Variants in SVIL observed in about 807,000 individuals in gnomAD.
SVIL encodes the protein archvillin.
In SVIL, 101 loss-of-function variants were observed where a neutral mutation model predicts 240.4. The observed-to-expected ratio is 0.42, with a 90% CI of 0.36 to 0.50. The LOEUF (loss-of-function observed/expected upper bound fraction) is 0.50, where lower values mean the gene tolerates loss of function less well. Ranked by LOEUF, SVIL falls within the 20% of genes least tolerant of loss-of-function variation. The pLI is 0.01. For missense variants in SVIL, 2,512 were observed against 2,818.7 expected (o/e 0.89, Z 2.46); for synonymous variants, 999 against 1,100.0 (o/e 0.91, Z 1.82).
intron 1 of SVIL, among the ~76,000 whole-genome samples, chr10:29,621,079 C>T (rs2132912775): frequency 6.6e-6 from 1 of 151,750 alleles, no homozygotes; most frequent in African/African-American, 2.4e-5. Context: ...GCTGGGATTA[C>T]AGGTGCACGC....
intron 1 of SVIL, among the ~76,000 whole-genome samples, chr10:29,727,291 C>T (rs1057276178): frequency 5.9e-5 from 9 of 152,108 alleles, no homozygotes; most frequent in African/African-American, 2.2e-4. Context: ...CTGTGTGCTC[C>T]AGTCTGTACT....
chr10:29,534,352 C>T (rs1218402461), intron 7 of SVIL, among the ~76,000 whole-genome samples: 1 of 151,960 alleles, frequency 6.6e-6, no homozygotes, highest in Non-Finnish European at 1.5e-5. Flanking sequence ...AAGTAAAAAA[C>T]AATATCTAGG....
intron 1 of SVIL, among the ~76,000 whole-genome samples, chr10:29,594,432 T>G (rs1383650804): frequency 6.6e-6 from 1 of 152,188 alleles, no homozygotes; most frequent in Non-Finnish European, 1.5e-5. Flanking sequence ...GATAATGATG[T>G]GTCAGTGTAG....
chr10:29,513,458 C>A (rs1260711496), intron 16 of SVIL, among the ~76,000 whole-genome samples: 1 of 152,138 alleles, frequency 6.6e-6, no homozygotes, highest in Non-Finnish European at 1.5e-5. Flanking sequence ...ATCGCTTGAA[C>A]CTGGGAGGCA....
chr10:29,572,957 C>G (rs1955514128), intron 1 of SVIL, among the ~76,000 whole-genome samples: 1 of 152,040 alleles, frequency 6.6e-6, no homozygotes, highest in African/African-American at 2.4e-5. Flanking sequence ...TTACAGTTAT[C>G]TAAAAGAATC....
intron 1 of SVIL, among the ~76,000 whole-genome samples, chr10:29,717,613 G>A (rs1212992176): frequency 6.6e-6 from 1 of 152,166 alleles, no homozygotes; most frequent in East Asian, 1.9e-4. Flanking sequence ...CAACAATTCT[G>A]AGCTGGCATA....
At position 29,719,373 on chromosome 10, in the gene SVIL, G is replaced by A. The variant is rs188846317; in HGVS notation, c.-400+16378C>T. Among the ~76,000 whole-genome samples, 147 of 152,234 alleles carry A rather than the reference G, an allele frequency of 9.7e-4. 2 individuals carry two copies. The highest frequency in any genetic ancestry group is 2.9e-4 in the Non-Finnish European group (20 of 68,010). ...CCTACCTAATAAATCTTGAAAGTAA[G>A]ACAAAAGAATCAACTGTCTCCAAGT... is the stretch of plus-strand genomic sequence containing the variant. On this transcript the variant is annotated intron_variant, in intron 1 of 35. Transcript: ENST00000375400.
At chr10:29,617,140 G>A (rs1466193961) in intron 1 of SVIL, among the ~76,000 whole-genome samples, 1 of 152,126 alleles carries the variant, frequency 6.6e-6, no homozygotes, top group African/African-American at 2.4e-5. Context: ...CCGCACAATT[G>A]TTCATCCCTT....
intron 1 of SVIL, among the ~76,000 whole-genome samples, chr10:29,609,787 C>G (rs536789731): frequency 1.3e-5 from 2 of 152,204 alleles, no homozygotes; most frequent in Non-Finnish European, 2.9e-5. Context: ...TGTGCAGTGG[C>G]CAGACCCTGT....
upstream of SVIL, among the ~76,000 whole-genome samples, chr10:29,639,032 T>C (rs1041727811): frequency 6.6e-6 from 1 of 152,198 alleles, no homozygotes; most frequent in Non-Finnish European, 1.5e-5. Flanking sequence ...TGGGCTTATG[T>C]GATCCTCCTG....
intron 1 of SVIL, among the ~76,000 whole-genome samples, chr10:29,571,509 T>G (rs564487870): frequency 2.0e-5 from 3 of 152,296 alleles, no homozygotes; most frequent in East Asian, 1.9e-4. Flanking sequence ...TTGGCTAAGT[T>G]AAGTGAAGTA....
Position 29,523,670 on chromosome 10 carries a change from C to T in SVIL, c.2944G>A (p.Ala982Thr). 5 of 1,614,104 alleles carry T rather than the reference C, an allele frequency of 3.1e-6. No homozygotes were observed. The highest frequency in any genetic ancestry group is 4.2e-6 in the Non-Finnish European group (5 of 1,179,970). The change falls in exon 15 of 38, where the codon GCC becomes ACC. Residue 982 changes from alanine (A) to threonine (T), a missense_variant. Around this residue, in one of 3 missense-constraint regions of SVIL, gnomAD observed 1,443 missense variants for 1,486.6 expected, o/e 0.97. Transcript: ENST00000355867. ...AEASYPILNR[A>T]REGDSHKESK... ...TCCTTATGGCTGTCTCCTTCCCTGGCTCGGTTCAGGATGGGGTAGGATGCT... is the reference window on the plus strand; with the variant it reads ...TCCTTATGGCTGTCTCCTTCCCTGGTTCGGTTCAGGATGGGGTAGGATGCT...
Position 29,480,575 on chromosome 10 carries a change from G to A in SVIL, c.5339C>T (p.Ala1780Val), listed in dbSNP as rs1564483264. The A allele has an allele frequency of 1.9e-6, 3 of 1,613,736 alleles. No homozygotes were observed. Among genetic ancestry groups the A allele is most frequent in the Non-Finnish European group, 2.5e-6 (3 of 1,180,014 alleles). ...QSIGQFHEGD[A>V]YVVKWKFMVS... The stretch of plus-strand genomic sequence containing the variant: ...CATGAACTTCCACTTGACCACATAG[G>A]CATCCCCCTCATGGAACTGCCCGAT... The change falls in exon 29 of 38, where the codon GCC becomes GTC. Residue 1780 changes from alanine (A) to valine (V), a missense_variant. By Grantham distance (64) the Ala-to-Val change is moderately conservative (BLOSUM62 0). This residue lies in a region of SVIL where 797 missense variants were observed against 925.3 expected (regional missense o/e 0.86). Coordinates refer to ENST00000355867, the MANE Select transcript of SVIL (RefSeq NM_021738.3).
rs1048643451 is a variant in SVIL at position 29,530,517 on chromosome 10, C to T, written c.2106+90G>A. 3.4e-5 allele frequency: 50 copies of T among 1,464,206 alleles called. No homozygotes were observed. The Middle Eastern group carries it at 6.9e-4, about 20-fold the overall frequency. The allele number at this position is 1,464,206 out of a possible 1,614,324, so 90.7% of individuals were successfully genotyped here. ...CCCAGGCTGGTCTCAAACTCCTGGCCTCAAGTGATTCTCCTGCCTTGGCCT... is the reference window on the plus strand; with the variant it reads ...CCCAGGCTGGTCTCAAACTCCTGGCTTCAAGTGATTCTCCTGCCTTGGCCT... On this transcript the variant is annotated intron_variant, in intron 11 of 37. Coordinates refer to ENST00000355867, the MANE Select transcript of SVIL (RefSeq NM_021738.3).
chr10:29,570,123 A>T (rs1164559698), intron 1 of SVIL, among the ~76,000 whole-genome samples: 1 of 152,252 alleles, frequency 6.6e-6, no homozygotes, highest in Non-Finnish European at 1.5e-5. Flanking sequence ...AAAATATATC[A>T]GATGTTGACA....
At chr10:29,681,660 G>A (rs1056133032) in intron 2 of SVIL, among the ~76,000 whole-genome samples, 2 of 152,050 alleles carry the variant, frequency 1.3e-5, no homozygotes, top group African/African-American at 4.8e-5. Flanking sequence ...TAATGATCAC[G>A]TCAGAAAAGC....
chr10:29,473,878 G>A lies in SVIL; in HGVS notation c.5489C>T (p.Ala1830Val), dbSNP rs955294945. ...CTCGTCCAGCTCCACCGTCATCAGC[G>A]CCGACGTGCCCTTCTCACTCACGGT... is the stretch of plus-strand genomic sequence containing the variant. ...HSTVSEKGTS[A>V]LMTVELDEER... Residue 1830 changes from alanine (A) to valine (V), a missense_variant, in exon 30 of 38, where the codon GCG becomes GTG. Coordinates refer to ENST00000355867, the MANE Select transcript of SVIL (RefSeq NM_021738.3). The A allele has an allele frequency of 2.5e-6, 4 of 1,613,816 alleles. No homozygotes were observed. The highest frequency in any genetic ancestry group is 1.7e-5 in the Admixed American group (1 of 59,974).
At chr10:29,689,346 G>A (rs963679760) in intron 1 of SVIL, among the ~76,000 whole-genome samples, 11 of 151,924 alleles carry the variant, frequency 7.2e-5, no homozygotes, top group African/African-American at 2.2e-4. Flanking sequence ...GTGCCCTGGC[G>A]CGATCTCAGC....
At chr10:29,531,810 A>G (rs991888158) in intron 9 of SVIL, among the ~76,000 whole-genome samples, 192 bp downstream of exon 9, 4 of 152,226 alleles carry the variant, frequency 2.6e-5, no homozygotes, top group Non-Finnish European at 4.4e-5. Context: ...ATGTATCATA[A>G]TACCGCTGTA....
Sources: allele counts gnomAD v4.1 joint callset (sites outside exome capture counted in the v4.1 genomes callset), GRCh38; gene constraint gnomAD v4.1.1; regional missense constraint gnomAD v4.1.1; transcripts MANE v1.5; gene names NCBI Gene and HGNC (gene_info 2026-07-23, HGNC 2026-07-21).